Variants in KAZN observed in about 807,000 individuals in gnomAD.
The protein encoded by KAZN is kazrin.
A neutral mutation model predicts 87.4 loss-of-function variants in KAZN; 40 were observed. That is an observed-to-expected ratio of 0.46 (90% CI 0.36 to 0.60). The LOEUF is 0.60. Ranked by LOEUF, KAZN falls within the 20% of genes least tolerant of loss-of-function variation. KAZN has a pLI of 0.00. For synonymous variants in KAZN, 466 were observed against 458.3 expected (o/e 1.02, Z -0.22); for missense variants, 898 against 1,073.9 (o/e 0.84, Z 2.29).
intron 2 of KAZN, among the ~76,000 whole-genome samples, chr1:15,006,040 G>A (rs534046360): frequency 6.6e-6 from 1 of 152,274 alleles, no homozygotes; most frequent in Admixed American, 6.5e-5. Context: ...CTTGAACCCT[G>A]GGACTGTGAG....
chr1:14,930,891 T>C (rs1659737366), intron 1 of KAZN, among the ~76,000 whole-genome samples: 1 of 151,830 alleles, frequency 6.6e-6, no homozygotes, highest in South Asian at 2.1e-4. Context: ...CCGATCTCTG[T>C]CAACAGGAGA....
intron 8 of KAZN, among the ~76,000 whole-genome samples, chr1:15,072,360 A>C (rs1274524452): frequency 1.3e-5 from 2 of 152,188 alleles, no homozygotes; most frequent in Non-Finnish European, 2.9e-5. Context: ...GTCTGTGAAC[A>C]CCAGCCCTCA....
rs1191773299 is a variant in KAZN, at chr1:14,923,200, C to G, written c.227-37484C>G. Reference sequence around the variant, plus strand: ...CCATGAGTGTGTGACTGACTCCTCACCTGGCTGTGTGGCCTCGGCTCCCGC... The same window carrying G: ...CCATGAGTGTGTGACTGACTCCTCAGCTGGCTGTGTGGCCTCGGCTCCCGC... On this transcript the variant is annotated intron_variant, in intron 1 of 14. Transcript: ENST00000376030. This position sits in a 1 kb window ranked among gnomAD's most constrained non-coding sequence, Gnocchi z 4.2. Among the ~76,000 whole-genome samples the G allele has an allele frequency of 6.6e-6, 1 of 152,198 alleles. No individual in the cohort carries two copies. Among genetic ancestry groups the G allele is most frequent in the Non-Finnish European group, 1.5e-5 (1 of 68,026 alleles).
chr1:15,109,633 GTGTA>G lies in KAZN; in HGVS notation c.2049-2790_2049-2787del, dbSNP rs1641418148. On this transcript the variant is annotated intron_variant, in intron 13 of 14. Coordinates refer to ENST00000376030, the MANE Select transcript of KAZN (RefSeq NM_201628.3). ...GGTATGTGTGTGTGTGTGTATATATGTGTATGTGTGTTTGTATGTTTGTGTATGT... is the reference window on the plus strand; with the variant it reads ...GGTATGTGTGTGTGTGTGTATATATGTGTGTGTTTGTATGTTTGTGTATGT... Among the ~76,000 whole-genome samples, 10 of 132,970 alleles carry G rather than the reference GTGTA, an allele frequency of 7.5e-5. No homozygotes were observed. The South Asian group carries it at 2.1e-3, about 28-fold the overall frequency. 87.2% of individuals were successfully genotyped at this position (132,970 alleles called of 152,430 possible). A position where few individuals can be genotyped will look rare whatever the true frequency, so the allele number is the denominator to read the frequency against.
At chr1:14,064,297 G>A (rs1024362991) in intron 1 of KAZN, among the ~76,000 whole-genome samples, 9 of 152,106 alleles carry the variant, frequency 5.9e-5, no homozygotes, top group African/African-American at 1.9e-4. Flanking sequence ...AATTGACAGC[G>A]ACATCAAGGC....
chr1:14,354,689 A>ACACACAC (rs1571373223), intron 2 of KAZN, among the ~76,000 whole-genome samples: 2 of 80,602 alleles, frequency 2.5e-5, no homozygotes, highest in Non-Finnish European at 6.2e-5. Flanking sequence ...CACACACACA[A>ACACACAC]ACAAACCTGA....
At chr1:13,961,304 C>T (rs113243535) in intron 1 of KAZN, among the ~76,000 whole-genome samples, 2 of 152,302 alleles carry the variant, frequency 1.3e-5, no homozygotes, top group East Asian at 1.9e-4. Flanking sequence ...GACAGACACA[C>T]GTATACACAC....
intron 2 of KAZN, among the ~76,000 whole-genome samples, chr1:14,544,824 C>T (rs767878213): frequency 9.9e-5 from 15 of 152,154 alleles, no homozygotes; most frequent in Non-Finnish European, 1.8e-4. Context: ...CCTGCCTCTG[C>T]CTCCCAAAGT....
Position 14,660,911 on chromosome 1 carries a change from T to C in KAZN, c.226+61688T>C, listed in dbSNP as rs145548829. 7.2e-3 allele frequency among the ~76,000 whole-genome samples: 1,098 copies of C among 152,308 alleles called. 5 individuals carry two copies. Among genetic ancestry groups the C allele is most frequent in the Middle Eastern group, 0.027 (8 of 294 alleles). On this transcript the variant is annotated intron_variant, in intron 1 of 14. Transcript: ENST00000376030. ...ATGCCCACTCTGCACCTCTATCTAA[T>C]GGGCCCGTTCACCAGCAGGCTGTGA... is the stretch of plus-strand genomic sequence containing the variant.
chr1:14,931,822 A>G (rs75329342), intron 1 of KAZN, among the ~76,000 whole-genome samples: 2,090 of 152,248 alleles, frequency 0.014, 68 homozygotes, highest in African/African-American at 0.047. Flanking sequence ...AGGGCACGCT[A>G]GCACCTTTTC....
intron 2 of KAZN, among the ~76,000 whole-genome samples, chr1:14,261,604 G>A (rs545910959): frequency 8.5e-5 from 13 of 152,278 alleles, no homozygotes; most frequent in African/African-American, 2.6e-4. Flanking sequence ...GTGAGGAGGC[G>A]GAAAAATCGT....
chr1:14,520,804 G>A (rs1280112703), intron 2 of KAZN, among the ~76,000 whole-genome samples: 2 of 152,180 alleles, frequency 1.3e-5, no homozygotes, highest in Non-Finnish European at 2.9e-5. Flanking sequence ...AGATGGTTTT[G>A]TTTTAACATC....
chr1:14,092,579 GTACA>G (rs908103380), intron 1 of KAZN, among the ~76,000 whole-genome samples: 1 of 148,962 alleles, frequency 6.7e-6, no homozygotes, highest in Non-Finnish European at 1.5e-5. Flanking sequence ...ACATATGTAT[GTACA>G]TATATGTACA....
intron 3 of KAZN, among the ~76,000 whole-genome samples, chr1:15,039,900 A>G (rs1435582652): frequency 6.6e-6 from 1 of 152,206 alleles, no homozygotes; most frequent in Non-Finnish European, 1.5e-5. Flanking sequence ...TGCCACTTTT[A>G]TTGATTGGCT....
At chr1:14,998,913 G>A (rs952157376) in intron 2 of KAZN, among the ~76,000 whole-genome samples, 2 of 152,228 alleles carry the variant, frequency 1.3e-5, no homozygotes, top group Non-Finnish European at 2.9e-5. Context: ...GCTTGGTAGA[G>A]CCTGGATTCA....
At chr1:14,870,539 C>A (rs2101055810) in intron 1 of KAZN, among the ~76,000 whole-genome samples, 1 of 152,278 alleles carries the variant, frequency 6.6e-6, no homozygotes, top group Middle Eastern at 3.4e-3. Context: ...CGCGGTTTCT[C>A]CATGTTGGCC....
At chr1:14,907,898 G>A (rs1656793284) in intron 1 of KAZN, among the ~76,000 whole-genome samples, 1 of 152,154 alleles carries the variant, frequency 6.6e-6, no homozygotes, top group African/African-American at 2.4e-5. Flanking sequence ...GCCCACGAGG[G>A]AAAATCCCTG....
At chr1:14,169,674 C>T (rs191475571) in intron 1 of KAZN, among the ~76,000 whole-genome samples, 20 of 152,238 alleles carry the variant, frequency 1.3e-4, no homozygotes, top group Middle Eastern at 3.4e-3. Flanking sequence ...GAGGCTCATA[C>T]GGGAATTAGG....
intron 1 of KAZN, among the ~76,000 whole-genome samples, chr1:14,600,405 T>C (rs1676863883): frequency 6.6e-6 from 1 of 152,092 alleles, no homozygotes; most frequent in African/African-American, 2.4e-5. Flanking sequence ...CCTGGGAAGG[T>C]GTGCTTTCTT....
Sources: gnomAD v4.1 joint callset for allele counts (sites outside exome capture counted in the v4.1 genomes callset) on GRCh38, gnomAD v4.1.1 for gene constraint, Gnocchi (gnomAD v3.1) non-coding constraint, MANE v1.5 for transcripts, NCBI Gene and HGNC (gene_info 2026-07-23, HGNC 2026-07-21) for gene names.